The following UNC5C variants were observed in gnomAD, a reference collection of about 807,000 sequenced individuals.
UNC5C encodes the protein netrin receptor UNC5C.
A neutral mutation model predicts 99.8 loss-of-function variants in UNC5C; 47 were observed. That is an observed-to-expected ratio of 0.47 (90% CI 0.37 to 0.60). The LOEUF is 0.60. Among genes scored for constraint, UNC5C ranks in the 20% least tolerant of loss-of-function variants. UNC5C has a pLI of 0.00. For missense variants in UNC5C, 1,062 were observed against 1,165.9 expected (o/e 0.91, Z 1.30); for synonymous variants, 487 against 452.2 (o/e 1.08, Z -0.98).
intron 7 of UNC5C, among the ~76,000 whole-genome samples, chr4:95,239,601 T>G (rs1031745036): frequency 1.3e-5 from 2 of 152,210 alleles, no homozygotes; most frequent in Admixed American, 6.5e-5. Flanking sequence ...AGCTTGGAGT[T>G]GCAGCTTCAT....
intron 1 of UNC5C, among the ~76,000 whole-genome samples, chr4:95,479,198 A>T (rs974959892): frequency 6.6e-6 from 1 of 152,050 alleles, no homozygotes; most frequent in African/African-American, 2.4e-5. Context: ...TGACTTGTAT[A>T]AAGAGTTATA....
chr4:95,333,448 A>T (rs1397475450), intron 2 of UNC5C, among the ~76,000 whole-genome samples: 3 of 152,044 alleles, frequency 2.0e-5, no homozygotes, highest in Admixed American at 6.6e-5. Flanking sequence ...GGAAATCATC[A>T]TTCTCAGTAA....
intron 12 of UNC5C, among the ~76,000 whole-genome samples, chr4:95,202,460 G>A (rs375651405): frequency 6.6e-6 from 1 of 152,152 alleles, no homozygotes; most frequent in Non-Finnish European, 1.5e-5. Flanking sequence ...ACCATCCACG[G>A]GTCTCGTTGC....
chr4:95,258,565 C>G (rs1043141511), intron 4 of UNC5C, among the ~76,000 whole-genome samples: 2 of 152,002 alleles, frequency 1.3e-5, no homozygotes, highest in Admixed American at 6.6e-5. Flanking sequence ...GGTTCAGTAA[C>G]TATAGTCCTT....
chr4:95,451,759 T>C (rs1747284826), intron 1 of UNC5C, among the ~76,000 whole-genome samples: 1 of 152,180 alleles, frequency 6.6e-6, no homozygotes, highest in South Asian at 2.1e-4. Context: ...ATTCTTTTGA[T>C]AAACACCTCT....
chr4:95,462,388 A>G (rs776541178), intron 1 of UNC5C, among the ~76,000 whole-genome samples: 17 of 152,210 alleles, frequency 1.1e-4, no homozygotes, highest in Admixed American at 2.0e-4. Flanking sequence ...TTCAGGTGCT[A>G]TATTAGATAT....
chr4:95,219,059 T>C lies in UNC5C; in HGVS notation c.1555A>G (p.Asn519Asp), dbSNP rs1235745512. 6.2e-7 allele frequency: 1 copy of C among 1,614,180 alleles called. No individual in the cohort carries two copies. The highest frequency in any genetic ancestry group is 2.2e-5 in the East Asian group (1 of 44,888). Reference protein sequence around the residue: ...LLENEALSLKNQSLARQTDPS... With the variant: ...LLENEALSLKDQSLARQTDPS... Reference sequence around the variant, plus strand: ...TCAGTCTGCCTTGCTAGACTCTGGTTCTTCAGGCTGAGGGCTTCATTCTCC... The same window carrying C: ...TCAGTCTGCCTTGCTAGACTCTGGTCCTTCAGGCTGAGGGCTTCATTCTCC... The change falls in exon 9 of 16, where the codon AAC becomes GAC. Residue 519 changes from asparagine to aspartate, a missense_variant. By Grantham distance (23) the Asn-to-Asp change is conservative (BLOSUM62 1). Coordinates refer to ENST00000453304, the MANE Select transcript of UNC5C (RefSeq NM_003728.4).
intron 1 of UNC5C, among the ~76,000 whole-genome samples, chr4:95,375,787 T>C (rs763118534): frequency 2.0e-4 from 31 of 152,204 alleles, no homozygotes; most frequent in Non-Finnish European, 2.2e-4. Context: ...TTTTAAAATA[T>C]ACAGAATAGG....
chr4:95,176,705 G>T (rs1736365739), intron 14 of UNC5C, among the ~76,000 whole-genome samples: 1 of 152,242 alleles, frequency 6.6e-6, no homozygotes, highest in African/African-American at 2.4e-5. Flanking sequence ...GTTTGTCTGT[G>T]CCCTGCCCCC....
At chr4:95,177,534 C>T (rs1041139969) in intron 14 of UNC5C, among the ~76,000 whole-genome samples, 9 of 152,196 alleles carry the variant, frequency 5.9e-5, no homozygotes, top group Non-Finnish European at 1.3e-4. Flanking sequence ...CCACATTCTG[C>T]GATCAGCAGC....
chr4:95,180,968 A>AGAG (rs1441216759), intron 14 of UNC5C, among the ~76,000 whole-genome samples: 1 of 152,146 alleles, frequency 6.6e-6, no homozygotes, highest in African/African-American at 2.4e-5. Context: ...ATAACTCTAC[A>AGAG]GAGTCCATTG....
At chr4:95,283,214 G>A (rs1031126996) in intron 3 of UNC5C, among the ~76,000 whole-genome samples, 3 of 152,036 alleles carry the variant, frequency 2.0e-5, no homozygotes, top group African/African-American at 7.2e-5. Context: ...ATTTTATGTA[G>A]GCCCTTATTT....
intron 4 of UNC5C, among the ~76,000 whole-genome samples, chr4:95,256,686 A>G (rs1395719720): frequency 7.1e-6 from 1 of 141,672 alleles, no homozygotes; most frequent in East Asian, 2.1e-4. Flanking sequence ...GTCTAGAGGG[A>G]CAGAACTAAA....
chr4:95,309,101 A>C (rs1192204812), intron 2 of UNC5C, among the ~76,000 whole-genome samples: 2 of 152,172 alleles, frequency 1.3e-5, no homozygotes, highest in Non-Finnish European at 2.9e-5. Flanking sequence ...CCAATGGAAC[A>C]AAATAGCTCG....
At chr4:95,491,765 T>C (rs919750137) in intron 1 of UNC5C, among the ~76,000 whole-genome samples, 2 of 151,658 alleles carry the variant, frequency 1.3e-5, no homozygotes, top group Non-Finnish European at 3.0e-5. Flanking sequence ...ATTTTATTTC[T>C]GCATTGTGTT....
chr4:95,439,350 A>T (rs1746882212), intron 1 of UNC5C, among the ~76,000 whole-genome samples: 2 of 151,212 alleles, frequency 1.3e-5, no homozygotes, highest in African/African-American at 4.9e-5. Flanking sequence ...AATCTGAATC[A>T]TTTAGCAAAA....
intron 1 of UNC5C, among the ~76,000 whole-genome samples, chr4:95,502,201 T>G (rs1477506355): frequency 6.6e-6 from 1 of 152,194 alleles, no homozygotes; most frequent in African/African-American, 2.4e-5. Flanking sequence ...GGATTATGAC[T>G]GGCCCCCAAT....
At position 95,219,113 on chromosome 4, in the gene UNC5C, G is replaced by A; in HGVS notation, c.1501C>T (p.Leu501=). ...AACGACTGGGTCATCTGAGGGGACA[G>A]CTTGGACGTAAACTCAGAGAGGTCA... ...QDDLSEFTSK[L]SPQMTQSLLE... is the part of the protein sequence containing the mutation. Residue 501 remains leucine (L), a synonymous_variant, in exon 9 of 16, where the codon CTG becomes TTG. Transcript: ENST00000453304. The A allele has an allele frequency of 6.2e-7, 1 of 1,614,168 alleles. No homozygotes were observed. Among genetic ancestry groups the A allele is most frequent in the Non-Finnish European group, 8.5e-7 (1 of 1,180,014 alleles).
chr4:95,404,107 TAA>T (rs1745771604), intron 1 of UNC5C, among the ~76,000 whole-genome samples: 3 of 152,170 alleles, frequency 2.0e-5, no homozygotes, highest in Non-Finnish European at 2.9e-5. Flanking sequence ...ACAAAAAACA[TAA>T]ATTAATAATG....
Sources: allele counts gnomAD v4.1 joint callset (sites outside exome capture counted in the v4.1 genomes callset), GRCh38; gene constraint gnomAD v4.1.1; transcripts MANE v1.5; gene names NCBI Gene and HGNC (gene_info 2026-07-23, HGNC 2026-07-21).